The following FABP12 variants were observed in gnomAD, a reference collection of about 807,000 sequenced individuals.
The protein encoded by FABP12 is fatty acid binding protein 12.
A neutral mutation model predicts 13.7 loss-of-function variants in FABP12; 19 were observed. The observed-to-expected ratio is 1.39, with a 90% CI of 0.97 to 2.04. The LOEUF (loss-of-function observed/expected upper bound fraction) is 2.04, where lower values mean the gene tolerates loss of function less well. FABP12 is among the 30% of genes most tolerant of loss of function. The pLI, the probability that FABP12 is intolerant of heterozygous loss-of-function variation, is 0.00. For missense variants in FABP12, 182 were observed against 164.2 expected, an observed-to-expected ratio of 1.11 and a Z score of -0.59; for synonymous variants, 61 against 57.0, an observed-to-expected ratio of 1.07 and a Z score of -0.32.
intron 1 of FABP12, among the ~76,000 whole-genome samples, chr8:81,552,355 C>G (rs1304679874): frequency 6.6e-6 from 1 of 152,092 alleles, no homozygotes; most frequent in African/African-American, 2.4e-5. Flanking sequence ...AGTGTTACAA[C>G]AGGAAACACT....
chr8:81,586,655 C>G (rs1336636059), intron 1 of FABP12, among the ~76,000 whole-genome samples: 2 of 152,152 alleles, frequency 1.3e-5, no homozygotes, highest in Non-Finnish European at 2.9e-5. Flanking sequence ...TGAGAAGTGT[C>G]TGTTCATGTC....
At chr8:81,555,712 T>C (rs1809600014) in intron 1 of FABP12, among the ~76,000 whole-genome samples, 1 of 152,202 alleles carries the variant, frequency 6.6e-6, no homozygotes, top group Non-Finnish European at 1.5e-5. Flanking sequence ...AATATAGCTA[T>C]TCTGTTAAAC....
chr8:81,570,487 G>A (rs1444676056), intron 1 of FABP12, among the ~76,000 whole-genome samples: 1 of 152,158 alleles, frequency 6.6e-6, no homozygotes, highest in Non-Finnish European at 1.5e-5. Context: ...GCTCCTCTTC[G>A]TTACCAGGGT....
At chr8:81,577,928 T>G (rs906746634) in intron 1 of FABP12, among the ~76,000 whole-genome samples, 3 of 152,370 alleles carry the variant, frequency 2.0e-5, no homozygotes, top group Admixed American at 2.0e-4. Context: ...AGAATCATAG[T>G]CCTGGATGTT....
chr8:81,544,586 TG>T (rs1335275702), intron 1 of FABP12, among the ~76,000 whole-genome samples: 2 of 152,032 alleles, frequency 1.3e-5, no homozygotes, highest in Non-Finnish European at 2.9e-5. Context: ...GTGAGAACTA[TG>T]GGGAACAAGG....
At chr8:81,582,450 T>C (rs1810180158) in intron 1 of FABP12, among the ~76,000 whole-genome samples, 1 of 151,920 alleles carries the variant, frequency 6.6e-6, no homozygotes, top group Admixed American at 6.6e-5. Flanking sequence ...AACTATAAGC[T>C]ACCTACAGGA....
At chr8:81,540,307 C>G (rs1292551112) in intron 1 of FABP12, among the ~76,000 whole-genome samples, 1 of 152,252 alleles carries the variant, frequency 6.6e-6, no homozygotes, top group Non-Finnish European at 1.5e-5. Context: ...CTTAGACTCA[C>G]TTCCAAAGAA....
At chr8:81,538,864 T>A (rs917168096), upstream of FABP12, among the ~76,000 whole-genome samples, 4 of 152,330 alleles carry the variant, frequency 2.6e-5, no homozygotes, top group Middle Eastern at 3.4e-3. Context: ...TTTTTATTGT[T>A]TTTGAGATGG....
rs1347917010 is a variant in FABP12, at chr8:81,527,221, G to C, written c.247-100C>G. ...CTTTTTAGCTGTTGTAATACTCTCA[G>C]GTAGTTTTAGAATGGTATTGACAAC... On this transcript the variant is annotated intron_variant, in intron 3 of 4. Transcript: ENST00000360464. The C allele has an allele frequency of 4.7e-6, 3 of 632,674 alleles. No individual in the cohort carries two copies. In the African/African-American group the frequency reaches 5.5e-5, roughly 12 times the overall value. 39.2% of individuals were successfully genotyped at this position (632,674 alleles called of 1,614,324 possible).
intron 3 of FABP12, among the ~76,000 whole-genome samples, chr8:81,527,657 C>T (rs117814120): frequency 0.027 from 4,046 of 152,288 alleles, 80 homozygotes; most frequent in Middle Eastern, 0.082. Flanking sequence ...CCACCACACC[C>T]GGCCATGAAA....
chr8:81,529,667 A>G, intron 2 of FABP12, 57 bp from the exon 3 acceptor site: 1 of 1,393,690 alleles, frequency 7.2e-7, no homozygotes, highest in Non-Finnish European at 9.9e-7. Context: ...CAAATACATT[A>G]CATTACAATA....
intron 1 of FABP12, among the ~76,000 whole-genome samples, chr8:81,548,715 T>C (rs554987497): frequency 2.7e-4 from 41 of 152,284 alleles, no homozygotes; most frequent in African/African-American, 7.2e-4. Flanking sequence ...GAGAGAATTT[T>C]GAAGACATTT....
At chr8:81,561,703 G>T (rs193135694) in intron 1 of FABP12, among the ~76,000 whole-genome samples, 1 of 152,184 alleles carries the variant, frequency 6.6e-6, no homozygotes, top group African/African-American at 2.4e-5. Flanking sequence ...AAAGCCGAAA[G>T]CAACACTAGA....
intron 1 of FABP12, among the ~76,000 whole-genome samples, chr8:81,580,619 C>T (rs570978339): frequency 2.0e-3 from 301 of 152,268 alleles, no homozygotes; most frequent in Non-Finnish European, 3.1e-3. Flanking sequence ...AAGACACATT[C>T]TATGGACAAA....
intron 1 of FABP12, among the ~76,000 whole-genome samples, chr8:81,583,674 C>T (rs1356209359): frequency 6.6e-6 from 1 of 152,016 alleles, no homozygotes; most frequent in South Asian, 2.1e-4. Flanking sequence ...AGACCAATAA[C>T]AAGTAATAAG....
intron 1 of FABP12, among the ~76,000 whole-genome samples, chr8:81,565,151 A>G (rs1425965740): frequency 2.6e-5 from 4 of 152,066 alleles, no homozygotes; most frequent in Non-Finnish European, 4.4e-5. Flanking sequence ...TTTTAAATAT[A>G]TATGCAACCA....
chr8:81,578,062 G>A (rs1810084264), intron 1 of FABP12, among the ~76,000 whole-genome samples: 6 of 152,150 alleles, frequency 3.9e-5, no homozygotes, highest in Admixed American at 3.9e-4. Flanking sequence ...ATTAGTTTGG[G>A]AAGCATCAGG....
intron 1 of FABP12, among the ~76,000 whole-genome samples, chr8:81,568,797 G>A (rs1809873434): frequency 6.6e-6 from 1 of 152,090 alleles, no homozygotes. Flanking sequence ...CTAAGATCCT[G>A]TCATTTGTAG....
intron 1 of FABP12, among the ~76,000 whole-genome samples, chr8:81,554,064 G>A (rs1027337275): frequency 2.2e-4 from 34 of 152,106 alleles, no homozygotes; most frequent in African/African-American, 7.7e-4. Flanking sequence ...CAACCACACA[G>A]TGTATCAAAA....
Sources: gnomAD v4.1 joint callset for allele counts (sites outside exome capture counted in the v4.1 genomes callset) on GRCh38, gnomAD v4.1.1 for gene constraint, MANE v1.5 for transcripts, NCBI Gene and HGNC (gene_info 2026-07-23, HGNC 2026-07-21) for gene names.